Variants in APBB2 observed in about 807,000 individuals in gnomAD.
The protein encoded by APBB2 is amyloid beta precursor protein binding family B member 2.
In APBB2, 38 loss-of-function variants were observed where a neutral mutation model predicts 82.5. The ratio of observed to expected loss-of-function variants is 0.46; its 90% CI spans 0.36 to 0.60. The LOEUF is 0.60. Among genes scored for constraint, APBB2 ranks in the 20% least tolerant of loss-of-function variants. APBB2 has a pLI of 0.00. For synonymous variants in APBB2, 341 were observed against 368.2 expected, an observed-to-expected ratio of 0.93 and a Z score of 0.85; for missense variants, 772 against 972.3, an observed-to-expected ratio of 0.79 and a Z score of 2.74.
rs1339140783 is a variant in APBB2 at position 40,857,116 on chromosome 4, G to A, written c.1530-26539C>T. The A allele has an allele frequency of 7.1e-6, 7 of 985,334 alleles. No individual in the cohort carries two copies. The African/African-American group carries it at 8.7e-5, about 12-fold the overall frequency. 61.0% of individuals were successfully genotyped at this position (985,334 alleles called of 1,614,324 possible). A position where few individuals can be genotyped will look rare whatever the true frequency, so the allele number is the denominator to read the frequency against. ...GGTGCCGGCACCAGCCAGCGGTGCC[G>A]TCGCTCAAGCAGCCGCGCGCACTGC... is the stretch of plus-strand genomic sequence containing the variant. On this transcript the variant is annotated intron_variant, in intron 12 of 17. Coordinates refer to ENST00000508593, the MANE Select transcript of APBB2 (RefSeq NM_004307.2).
chr4:40,839,094 T>C (rs181115365), intron 12 of APBB2, among the ~76,000 whole-genome samples: 22 of 152,222 alleles, frequency 1.4e-4, no homozygotes, highest in Non-Finnish European at 2.6e-4. Context: ...CTTTATTATT[T>C]TGAGACAGGG....
chr4:40,989,336 A>G (rs1406522217), intron 6 of APBB2, among the ~76,000 whole-genome samples: 1 of 152,150 alleles, frequency 6.6e-6, no homozygotes, highest in African/African-American at 2.4e-5. Context: ...TTCCAGAGGT[A>G]GATGCCTCCT....
At chr4:40,960,857 A>G (rs550295598) in intron 6 of APBB2, among the ~76,000 whole-genome samples, 148 of 152,132 alleles carry the variant, frequency 9.7e-4, no homozygotes, top group African/African-American at 3.4e-3. Context: ...TATAAACGCT[A>G]CATTTCCCAG....
At chr4:41,195,685 T>C in intron 1 of APBB2, among the ~76,000 whole-genome samples, 1 of 152,172 alleles carries the variant, frequency 6.6e-6, no homozygotes, top group African/African-American at 2.4e-5. Flanking sequence ...TAAACAGCCC[T>C]ACAGGTTGTT....
intron 6 of APBB2, among the ~76,000 whole-genome samples, chr4:40,963,688 A>G (rs560259222): frequency 1.3e-5 from 2 of 152,376 alleles, no homozygotes; most frequent in East Asian, 1.9e-4. Context: ...ATCCGATGCT[A>G]TATCAAAGTC....
At chr4:40,897,624 T>C (rs2154355074) in intron 10 of APBB2, among the ~76,000 whole-genome samples, 1 of 152,338 alleles carries the variant, frequency 6.6e-6, no homozygotes, top group East Asian at 1.9e-4. Flanking sequence ...GCTCTTGTTT[T>C]AATTTAGTTT....
chr4:41,170,782 T>A (rs1255161033), intron 1 of APBB2, among the ~76,000 whole-genome samples: 1 of 152,206 alleles, frequency 6.6e-6, no homozygotes, highest in Non-Finnish European at 1.5e-5. Flanking sequence ...AATGATTATA[T>A]AAGATATTAA....
chr4:41,099,164 ATGTGTATGTGCAGTGTCTATGTCTG>A (rs900193137), intron 3 of APBB2, among the ~76,000 whole-genome samples: 1 of 152,186 alleles, frequency 6.6e-6, no homozygotes, highest in African/African-American at 2.4e-5. Context: ...CAGAAATTAC[ATGTGTATGTGCAGTGTCTATGTCTG>A]TGTGTATGTG....
chr4:40,881,953 G>A (rs1244846880), intron 12 of APBB2, among the ~76,000 whole-genome samples: 1 of 151,542 alleles, frequency 6.6e-6, no homozygotes, highest in Admixed American at 6.6e-5. Flanking sequence ...CTGCAGTGTG[G>A]TGTAAACACA....
intron 5 of APBB2, among the ~76,000 whole-genome samples, chr4:41,015,651 C>A (rs962343139): frequency 1.3e-5 from 2 of 152,170 alleles, no homozygotes; most frequent in Non-Finnish European, 2.9e-5. Context: ...CATCAATCCT[C>A]CACTCTAGGC....
chr4:40,914,381 C>A (rs578047311), intron 10 of APBB2, among the ~76,000 whole-genome samples: 3 of 151,432 alleles, frequency 2.0e-5, no homozygotes, highest in South Asian at 2.1e-4. Flanking sequence ...TCAAAAAAAT[C>A]AAAAAAACAA....
intron 12 of APBB2, chr4:40,881,422 A>G: frequency 2.1e-6 from 2 of 971,960 alleles, no homozygotes; most frequent in Non-Finnish European, 1.2e-6. Flanking sequence ...ACTCCTAGGG[A>G]AAAAAAACAA....
intron 6 of APBB2, among the ~76,000 whole-genome samples, chr4:40,947,322 A>G (rs1164878776): frequency 6.6e-6 from 1 of 152,150 alleles, no homozygotes; most frequent in Non-Finnish European, 1.5e-5. Context: ...GCCAGTTACC[A>G]TTTCTGTGGT....
intron 6 of APBB2, among the ~76,000 whole-genome samples, chr4:40,954,452 T>C (rs1791040553): frequency 6.6e-6 from 1 of 152,048 alleles, no homozygotes; most frequent in Non-Finnish European, 1.5e-5. Flanking sequence ...CAGACACTGG[T>C]TTAAAGCTAG....
Position 40,880,858 on chromosome 4 carries a change from G to C in APBB2, c.1529+9506C>G, listed in dbSNP as rs973287206. On this transcript the variant is annotated intron_variant, in intron 12 of 17. Coordinates refer to ENST00000508593, the MANE Select transcript of APBB2 (RefSeq NM_004307.2). ...ATGCTCACAAGAAATCCTGAACCAT[G>C]CTTTGAGCCAGAGTTACCAAAATGG... is the stretch of plus-strand genomic sequence containing the variant. 5 of 981,852 alleles carry C rather than the reference G, an allele frequency of 5.1e-6. No individual in the cohort carries two copies. In the African/African-American group the frequency reaches 8.7e-5, roughly 17 times the overall value. The allele number at this position is 981,852 out of a possible 1,614,324, so 60.8% of individuals were successfully genotyped here.
At chr4:41,158,441 C>G (rs996423766) in intron 1 of APBB2, among the ~76,000 whole-genome samples, 3 of 152,180 alleles carry the variant, frequency 2.0e-5, no homozygotes, top group African/African-American at 4.8e-5. Context: ...AGCAGTAGCT[C>G]TATGCTACAG....
chr4:41,164,259 G>A (rs113202246), intron 1 of APBB2, among the ~76,000 whole-genome samples: 122 of 152,270 alleles, frequency 8.0e-4, no homozygotes, highest in Non-Finnish European at 1.4e-3. Flanking sequence ...TTTCCCTCTT[G>A]CGGCATCACA....
intron 2 of APBB2, among the ~76,000 whole-genome samples, chr4:41,142,556 C>A (rs1759552030): frequency 6.6e-6 from 1 of 152,180 alleles, no homozygotes; most frequent in African/African-American, 2.4e-5. Flanking sequence ...GGTCTCCATG[C>A]CCCACCCTTC....
intron 5 of APBB2, among the ~76,000 whole-genome samples, chr4:41,030,110 C>A (rs6857908): frequency 6.6e-6 from 1 of 151,934 alleles, no homozygotes. Context: ...GAGCTGAGGT[C>A]GCACCACCGC....
Sources: gnomAD v4.1 joint callset for allele counts (sites outside exome capture counted in the v4.1 genomes callset) on GRCh38, gnomAD v4.1.1 for gene constraint, MANE v1.5 for transcripts, NCBI Gene and HGNC (gene_info 2026-07-23, HGNC 2026-07-21) for gene names.